The following PBX3 variants were observed in gnomAD, a reference collection of about 807,000 sequenced individuals.
PBX3 encodes pre-B-cell leukemia transcription factor 3.
A neutral mutation model predicts 48.5 loss-of-function variants in PBX3; 14 were observed. That is an observed-to-expected ratio of 0.29 (90% CI 0.19 to 0.45). The LOEUF is 0.45. PBX3 is among the 20% of genes least tolerant of loss of function. PBX3 has a pLI of 1.00. For synonymous variants in PBX3, 210 were observed against 200.3 expected, an observed-to-expected ratio of 1.05 and a Z score of -0.41; for missense variants, 386 against 546.7, an observed-to-expected ratio of 0.71 and a Z score of 2.93.
chr9:125,954,465 T>G (rs1431223018), intron 5 of PBX3, among the ~76,000 whole-genome samples: 1 of 152,122 alleles, frequency 6.6e-6, no homozygotes, highest in Non-Finnish European at 1.5e-5. Flanking sequence ...GGGAGAGAAA[T>G]GAACTAGAAA....
At chr9:125,775,305 C>T (rs12684516) in intron 2 of PBX3, among the ~76,000 whole-genome samples, 3,076 of 152,156 alleles carry the variant, frequency 0.02, 167 homozygotes, top group East Asian at 0.17. Flanking sequence ...TTTGTGTGCT[C>T]GTTGGTCATT....
chr9:125,922,121 G>A (rs575353750), intron 3 of PBX3, among the ~76,000 whole-genome samples: 234 of 152,264 alleles, frequency 1.5e-3, no homozygotes, highest in Admixed American at 3.4e-3. Context: ...TTAATTTTCT[G>A]TGTAAACCAA....
At chr9:125,812,373 A>G (rs1174389798) in intron 2 of PBX3, among the ~76,000 whole-genome samples, 5 of 152,168 alleles carry the variant, frequency 3.3e-5, no homozygotes. Context: ...GCATTTAACC[A>G]TATTTTCTTC....
rs1836214312 is a variant in PBX3 at position 125,747,386 on chromosome 9, GC to G, written c.-66del. 5.5e-6 allele frequency: 4 copies of G among 722,812 alleles called. No homozygotes were observed. Among genetic ancestry groups the G allele is most frequent in the Non-Finnish European group, 7.2e-6 (4 of 556,786 alleles). The allele number at this position is 722,812 out of a possible 1,614,324, so 44.8% of individuals were successfully genotyped here. Reference sequence around the variant, plus strand: ...CCCCTCTTTCTTCTCCTCCCTCGTCGCCGCCGCCGCCGCCGCCGCCTCAGCC... The same window carrying G: ...CCCCTCTTTCTTCTCCTCCCTCGTCGCGCCGCCGCCGCCGCCGCCTCAGCC... On this transcript the variant is annotated 5_prime_UTR_variant, in exon 1 of 9. Coordinates refer to ENST00000373489, the MANE Select transcript of PBX3 (RefSeq NM_006195.6).
At chr9:125,929,375 G>A (rs1841662885) in intron 3 of PBX3, among the ~76,000 whole-genome samples, 1 of 152,162 alleles carries the variant, frequency 6.6e-6, no homozygotes, top group South Asian at 2.1e-4. Flanking sequence ...TTGATAGGGA[G>A]CATCCTCGAA....
At chr9:125,891,488 C>T (rs1840641438) in intron 2 of PBX3, among the ~76,000 whole-genome samples, 1 of 152,194 alleles carries the variant, frequency 6.6e-6, no homozygotes, top group South Asian at 2.1e-4. Flanking sequence ...TAGGTACTTA[C>T]AGCCATTGTG....
At chr9:125,772,507 C>G (rs768117924) in intron 2 of PBX3, among the ~76,000 whole-genome samples, 1 of 152,122 alleles carries the variant, frequency 6.6e-6, no homozygotes, top group Non-Finnish European at 1.5e-5. Context: ...CAGCTTGATG[C>G]AGAATAATAC....
intron 2 of PBX3, among the ~76,000 whole-genome samples, chr9:125,843,965 T>A (rs895883700): frequency 2.6e-5 from 4 of 151,980 alleles, no homozygotes; most frequent in African/African-American, 9.7e-5. Flanking sequence ...AGATGAAAGA[T>A]CAGAGAGCAG....
At chr9:125,818,574 C>T (rs2132150796) in intron 2 of PBX3, among the ~76,000 whole-genome samples, 1 of 152,204 alleles carries the variant, frequency 6.6e-6, no homozygotes, top group South Asian at 2.1e-4. Flanking sequence ...GTCTCAAACT[C>T]CTGACCCCAA....
rs565171062 is a variant in PBX3 at position 125,903,396 on chromosome 9, A to G, written c.275-12290A>G. Among the ~76,000 whole-genome samples, 204 of 152,000 alleles carry G rather than the reference A, an allele frequency of 1.3e-3. 1 individual carries two copies. Among genetic ancestry groups the G allele is most frequent in the African/African-American group, 4.6e-3 (192 of 41,542 alleles). On this transcript the variant is annotated intron_variant, in intron 2 of 8. Coordinates refer to ENST00000373489, the MANE Select transcript of PBX3 (RefSeq NM_006195.6). Reference sequence around the variant, plus strand: ...AGAATTTGTTGCTGTTTGTGAGAACATGGCATTATATATTTGTTGTCCTTT... The same window carrying G: ...AGAATTTGTTGCTGTTTGTGAGAACGTGGCATTATATATTTGTTGTCCTTT...
chr9:125,846,163 A>G (rs1230658680), intron 2 of PBX3, among the ~76,000 whole-genome samples: 8 of 152,078 alleles, frequency 5.3e-5, no homozygotes, highest in African/African-American at 1.9e-4. Flanking sequence ...TTATTTTCCT[A>G]TTAGCTAGAA....
chr9:125,934,771 A>G (rs1406549763), intron 4 of PBX3, among the ~76,000 whole-genome samples: 1 of 151,410 alleles, frequency 6.6e-6, no homozygotes, highest in Non-Finnish European at 1.5e-5. Context: ...ATCAGGTCCT[A>G]TTGCTTTTAC....
At chr9:125,965,557 C>G (rs1842513282) in intron 8 of PBX3, among the ~76,000 whole-genome samples, 1 of 152,180 alleles carries the variant, frequency 6.6e-6, no homozygotes, top group Non-Finnish European at 1.5e-5. Context: ...GTTTTACCAG[C>G]AGATCAAAGG....
rs142216618 is a variant in PBX3, at chr9:125,925,116, G to C, written c.517-4539G>C. ...CTCAAAGGTTGATATGTAATAAGAT[G>C]AATAATTGATATTGCTTCATCAAGG... is the stretch of plus-strand genomic sequence containing the variant. On this transcript the variant is annotated intron_variant, in intron 3 of 8. Coordinates refer to ENST00000373489, the MANE Select transcript of PBX3 (RefSeq NM_006195.6). Among the ~76,000 whole-genome samples, 391 of 152,300 alleles carry C rather than the reference G, an allele frequency of 2.6e-3. 3 individuals are homozygous for C. Among genetic ancestry groups the C allele is most frequent in the Admixed American group, 5.5e-3 (84 of 15,304 alleles).
At chr9:125,906,030 C>G (rs1159306823) in intron 2 of PBX3, among the ~76,000 whole-genome samples, 1 of 151,972 alleles carries the variant, frequency 6.6e-6, no homozygotes, top group African/African-American at 2.4e-5. Flanking sequence ...ATAGTACTTA[C>G]AGCAAAGTAT....
intron 3 of PBX3, among the ~76,000 whole-genome samples, chr9:125,926,676 C>G (rs773839338): frequency 6.6e-6 from 1 of 151,378 alleles, no homozygotes; most frequent in Non-Finnish European, 1.5e-5. Flanking sequence ...AAAAATTACC[C>G]GGGCATGGTG....
At chr9:125,964,930 G>A (rs117669340) in intron 8 of PBX3, among the ~76,000 whole-genome samples, 52 of 152,330 alleles carry the variant, frequency 3.4e-4, no homozygotes, top group Non-Finnish European at 6.8e-4. Flanking sequence ...GGGGCAGCAT[G>A]GCGGCAGAGG....
At chr9:125,761,489 T>A (rs1260046213) in intron 2 of PBX3, among the ~76,000 whole-genome samples, 1 of 152,090 alleles carries the variant, frequency 6.6e-6, no homozygotes, top group Non-Finnish European at 1.5e-5. Flanking sequence ...TTTAATGAGG[T>A]TCATCGAGAG....
chr9:125,878,476 G>C (rs1013340921), intron 2 of PBX3, among the ~76,000 whole-genome samples: 1 of 152,196 alleles, frequency 6.6e-6, no homozygotes, highest in Non-Finnish European at 1.5e-5. Flanking sequence ...CCTTCAGACT[G>C]TAACCAAAAG....
Sources: allele counts gnomAD v4.1 joint callset (sites outside exome capture counted in the v4.1 genomes callset), GRCh38; gene constraint gnomAD v4.1.1; transcripts MANE v1.5; gene names NCBI Gene and HGNC (gene_info 2026-07-23, HGNC 2026-07-21).